Variants in HPSE2 observed in about 807,000 individuals in gnomAD.
The protein encoded by HPSE2 is inactive heparanase-2.
In HPSE2, 38 loss-of-function variants were observed where a neutral mutation model predicts 60.5. The observed-to-expected ratio is 0.63, with a 90% CI of 0.48 to 0.82. HPSE2 has a LOEUF of 0.82. Among genes scored for constraint, HPSE2 ranks in the 40% least tolerant of loss-of-function variants. HPSE2 has a pLI of 0.00. For synonymous variants in HPSE2, 295 were observed against 293.2 expected, an observed-to-expected ratio of 1.01 and a Z score of -0.06; for missense variants, 713 against 740.4, an observed-to-expected ratio of 0.96 and a Z score of 0.43.
intron 3 of HPSE2, among the ~76,000 whole-genome samples, chr10:98,829,791 T>C (rs1951640142): frequency 6.6e-6 from 1 of 152,244 alleles, no homozygotes; most frequent in Admixed American, 6.5e-5. Flanking sequence ...ACACTACTTA[T>C]ATGAAATTTT....
intron 2 of HPSE2, among the ~76,000 whole-genome samples, chr10:99,146,807 G>A (rs1055606717): frequency 7.2e-5 from 11 of 152,078 alleles, no homozygotes; most frequent in African/African-American, 2.7e-4. Flanking sequence ...GTTGCAGTGA[G>A]CCGAGATCGT....
At chr10:99,230,070 T>A (rs969970792) in intron 2 of HPSE2, among the ~76,000 whole-genome samples, 4 of 152,210 alleles carry the variant, frequency 2.6e-5, no homozygotes, top group Non-Finnish European at 5.9e-5. Flanking sequence ...AAGCCTCAAA[T>A]ACTGATATAG....
intron 5 of HPSE2, among the ~76,000 whole-genome samples, chr10:98,708,179 G>A (rs142412124): frequency 0.016 from 2,392 of 152,060 alleles, 37 homozygotes; most frequent in African/African-American, 0.032. Flanking sequence ...ATTTCAGGCC[G>A]GGCACGGTGG....
chr10:99,269,106 C>G, the HPSE2 span, among the ~76,000 whole-genome samples: 1 of 151,972 alleles, frequency 6.6e-6, no homozygotes. Flanking sequence ...TTGCAGTGAG[C>G]CAAGATCATG....
At chr10:99,154,669 C>T (rs1169346945) in intron 2 of HPSE2, among the ~76,000 whole-genome samples, 1 of 151,612 alleles carries the variant, frequency 6.6e-6, no homozygotes, top group Non-Finnish European at 1.5e-5. Context: ...TAAAGACCAT[C>T]GAAACTAGGA....
At chr10:98,871,808 T>C (rs1012520825) in intron 3 of HPSE2, among the ~76,000 whole-genome samples, 10 of 152,046 alleles carry the variant, frequency 6.6e-5, no homozygotes, top group African/African-American at 2.4e-4. Context: ...GACAACTCCA[T>C]GAACAAAAGG....
intron 3 of HPSE2, among the ~76,000 whole-genome samples, chr10:99,093,911 G>C (rs1042025130): frequency 2.0e-5 from 3 of 152,062 alleles, no homozygotes; most frequent in Admixed American, 1.3e-4. Context: ...TTTCTCTCTT[G>C]AATTTCTTTC....
intron 9 of HPSE2, among the ~76,000 whole-genome samples, chr10:98,600,895 A>ATATATATGTGTGTGTG (rs1554950493): frequency 0.012 from 856 of 69,202 alleles, 20 homozygotes; most frequent in Middle Eastern, 0.048. Context: ...ATATATACGT[A>ATATATATGTGTGTGTG]TATATATGTG....
At chr10:99,071,419 T>C (rs1842787034) in intron 3 of HPSE2, among the ~76,000 whole-genome samples, 1 of 152,216 alleles carries the variant, frequency 6.6e-6, no homozygotes, top group African/African-American at 2.4e-5. Context: ...TGACTGCAAC[T>C]ATTTCACATT....
At chr10:98,482,931 G>A in intron 10 of HPSE2, 149 bp from the exon 11 acceptor site, 1 of 731,068 alleles carries the variant, frequency 1.4e-6, no homozygotes, top group Non-Finnish European at 2.3e-6. Flanking sequence ...AGAAAGGAAG[G>A]CCTTGTTATT....
intron 5 of HPSE2, among the ~76,000 whole-genome samples, chr10:98,711,101 T>G (rs1948666146): frequency 6.6e-6 from 1 of 152,008 alleles, no homozygotes; most frequent in African/African-American, 2.4e-5. Flanking sequence ...GAAAAGATGA[T>G]GAAAGAGATC....
In HPSE2 at chr10:99,176,382, T is replaced by C. The variant is rs137875692; in HGVS notation, c.449-31983A>G. On this transcript the variant is annotated intron_variant, in intron 2 of 11. Transcript: ENST00000370552. ...GGAAGCTAGGAACCTTGAAAAAAGG[T>C]TAGACGAATTGCTAACTAGAATAAC... Among the ~76,000 whole-genome samples, 386 of 151,828 alleles carry C rather than the reference T, an allele frequency of 2.5e-3. 2 individuals are homozygous for C. The highest frequency in any genetic ancestry group is 8.8e-3 in the African/African-American group (365 of 41,390).
intron 3 of HPSE2, among the ~76,000 whole-genome samples, chr10:98,902,854 G>A (rs1481487317): frequency 6.6e-6 from 1 of 152,104 alleles, no homozygotes; most frequent in Non-Finnish European, 1.5e-5. Context: ...TGGGTGGATA[G>A]ATGGATAGAT....
chr10:99,249,741 C>A, the HPSE2 span, among the ~76,000 whole-genome samples: 1 of 152,024 alleles, frequency 6.6e-6, no homozygotes, highest in Non-Finnish European at 1.5e-5. Context: ...AATTGTAATC[C>A]CCAATTTTGG....
chr10:99,158,590 C>G (rs1846684430), intron 2 of HPSE2, among the ~76,000 whole-genome samples: 1 of 135,980 alleles, frequency 7.4e-6, no homozygotes, highest in Non-Finnish European at 1.5e-5. Context: ...CTATCACACT[C>G]TGGGGACTGT....
At chr10:99,084,813 A>T (rs542609232) in intron 3 of HPSE2, among the ~76,000 whole-genome samples, 2 of 152,338 alleles carry the variant, frequency 1.3e-5, no homozygotes, top group East Asian at 3.9e-4. Flanking sequence ...CTGTAAAAAT[A>T]AGCCAATGGA....
intron 6 of HPSE2, among the ~76,000 whole-genome samples, chr10:98,661,238 T>G (rs2134086603): frequency 6.6e-6 from 1 of 152,364 alleles, no homozygotes; most frequent in South Asian, 2.1e-4. Flanking sequence ...ATGATAAAAC[T>G]TGGACTAATG....
chr10:99,042,226 C>T (rs917445256), intron 3 of HPSE2, among the ~76,000 whole-genome samples: 4 of 152,132 alleles, frequency 2.6e-5, no homozygotes, highest in Admixed American at 6.5e-5. Context: ...ACCACGACAG[C>T]CGTCCTATGG....
intron 9 of HPSE2, among the ~76,000 whole-genome samples, chr10:98,549,773 C>T (rs563896724): frequency 6.6e-6 from 1 of 152,184 alleles, no homozygotes; most frequent in Non-Finnish European, 1.5e-5. Context: ...TTGAAACTCT[C>T]TTCCTTTCCC....
Sources: gnomAD v4.1 joint callset for allele counts (sites outside exome capture counted in the v4.1 genomes callset) on GRCh38, gnomAD v4.1.1 for gene constraint, MANE v1.5 for transcripts, NCBI Gene and HGNC (gene_info 2026-07-23, HGNC 2026-07-21) for gene names.